RYR2: variants seen among roughly 807,000 people sequenced by gnomAD.
RYR2 encodes the protein ryanodine receptor 2, also known as cardiac muscle ryanodine receptor-calcium release channel.
Under a neutral mutation model 601.1 loss-of-function variants are expected in RYR2, and 227 were observed. The ratio of observed to expected loss-of-function variants is 0.38; its 90% CI spans 0.34 to 0.42. The LOEUF is 0.42. Ranked by LOEUF, RYR2 falls within the 10% of genes least tolerant of loss-of-function variation. The probability of loss-of-function intolerance (pLI) is 1.00; values close to 1 mark genes in which losing one functional copy is unlikely to be tolerated. For synonymous variants in RYR2, 2,223 were observed against 2,175.1 expected, an observed-to-expected ratio of 1.02 and a Z score of -0.61; for missense variants, 4,646 against 6,156.5, an observed-to-expected ratio of 0.75 and a Z score of 8.21.
At chr1:237,431,263 C>T (rs12132285) in intron 12 of RYR2, among the ~76,000 whole-genome samples, 4 of 152,054 alleles carry the variant, frequency 2.6e-5, no homozygotes, top group African/African-American at 4.8e-5. Context: ...ACTAGAGACA[C>T]TAACTCTTCC....
intron 98 of RYR2, among the ~76,000 whole-genome samples, chr1:237,802,732 T>C (rs779259738): frequency 3.3e-4 from 50 of 152,250 alleles, no homozygotes; most frequent in Non-Finnish European, 6.0e-4. Context: ...CATTTTCCAC[T>C]GAAGTGGCCA....
At chr1:237,583,191 T>C (rs1238023292) in intron 29 of RYR2, among the ~76,000 whole-genome samples, 1 of 152,188 alleles carries the variant, frequency 6.6e-6, no homozygotes, top group East Asian at 1.9e-4. Flanking sequence ...ATGGGAACAT[T>C]TTTTCATGTT....
chr1:237,474,252 C>CAGAT (rs1553465066), intron 17 of RYR2, among the ~76,000 whole-genome samples: 1 of 132,656 alleles, frequency 7.5e-6, no homozygotes, highest in Non-Finnish European at 1.7e-5. Flanking sequence ...TAGATATATA[C>CAGAT]ATATGTATAG....
chr1:237,700,527 T>C, intron 65 of RYR2, 60 bp downstream of exon 65: 2 of 814,408 alleles, frequency 2.5e-6, no homozygotes, highest in Non-Finnish European at 3.9e-6. Flanking sequence ...TGTAGTACAA[T>C]CAAAAACAGT....
At chr1:237,090,383 G>C (rs1231152953) in intron 1 of RYR2, among the ~76,000 whole-genome samples, 1 of 152,138 alleles carries the variant, frequency 6.6e-6, no homozygotes. Context: ...GTAATCATGA[G>C]AGGATTACAT....
intron 100 of RYR2, among the ~76,000 whole-genome samples, chr1:237,816,894 T>C (rs1156715623): frequency 6.6e-6 from 1 of 152,146 alleles, no homozygotes; most frequent in Non-Finnish European, 1.5e-5. Flanking sequence ...ATGGATGGTC[T>C]GTAAGATTTT....
At chr1:237,217,294 T>A (rs2149121716) in intron 1 of RYR2, among the ~76,000 whole-genome samples, 1 of 152,212 alleles carries the variant, frequency 6.6e-6, no homozygotes, top group South Asian at 2.1e-4. Context: ...GACTTGTTGA[T>A]CTATGCACCT....
At chr1:237,506,609 A>G in intron 22 of RYR2, 101 bp from the exon 23 acceptor site, 1 of 684,774 alleles carries the variant, frequency 1.5e-6, no homozygotes, top group Non-Finnish European at 2.4e-6. Context: ...TTACTGGTTT[A>G]TGAGGCAGTT....
At chr1:237,526,181 CT>C (rs1257426806) in intron 24 of RYR2, among the ~76,000 whole-genome samples, 2 of 151,920 alleles carry the variant, frequency 1.3e-5, no homozygotes, top group African/African-American at 4.8e-5. Flanking sequence ...TATTTTTTGA[CT>C]TTTTAATAAT....
chr1:237,428,970 G>A (rs561567174), intron 12 of RYR2, among the ~76,000 whole-genome samples: 1 of 152,078 alleles, frequency 6.6e-6, no homozygotes, highest in East Asian at 1.9e-4. Context: ...AGGGCTTTAT[G>A]GTGTGTGGAG....
chr1:237,637,303 C>CT (rs1403077337), intron 44 of RYR2, among the ~76,000 whole-genome samples: 1 of 152,170 alleles, frequency 6.6e-6, no homozygotes, highest in East Asian at 1.9e-4. Context: ...CTCTGTCAGT[C>CT]TTACTTCCAT....
chr1:237,299,127 CT>C lies in RYR2; in HGVS notation c.168+28522del, dbSNP rs3086046. 4.7e-3 allele frequency among the ~76,000 whole-genome samples: 685 copies of C among 145,460 alleles called. 8 individuals carry two copies. Among genetic ancestry groups the C allele is most frequent in the African/African-American group, 0.016 (659 of 40,060 alleles). On this transcript the variant is annotated intron_variant, in intron 2 of 104. Coordinates refer to ENST00000366574, the MANE Select transcript of RYR2 (RefSeq NM_001035.3). ...TTATGAACAGTGCAATTCCTAGAGT[CT>C]TTTTTTTTTTCATTTCATTTCATAG...
chr1:237,543,510 T>C (rs969315273), intron 25 of RYR2, among the ~76,000 whole-genome samples: 3 of 152,240 alleles, frequency 2.0e-5, no homozygotes, highest in Admixed American at 1.3e-4. Context: ...TTAATGTCTC[T>C]GGTGTGCAGT....
At chr1:237,215,083 C>T (rs533939956) in intron 1 of RYR2, among the ~76,000 whole-genome samples, 138 of 152,288 alleles carry the variant, frequency 9.1e-4, no homozygotes, top group Non-Finnish European at 1.8e-3. Context: ...TAAGAACTGG[C>T]AACTTAATTC....
intron 89 of RYR2, among the ~76,000 whole-genome samples, chr1:237,782,528 A>G (rs750459424): frequency 3.9e-5 from 6 of 152,152 alleles, no homozygotes; most frequent in Non-Finnish European, 7.3e-5. Context: ...GCCTCGTGCT[A>G]GGACTTTGAA....
At chr1:237,607,264 G>T (rs1677233787) in intron 35 of RYR2, among the ~76,000 whole-genome samples, 1 of 152,168 alleles carries the variant, frequency 6.6e-6, no homozygotes, top group Admixed American at 6.5e-5. Context: ...ATGAGTTCAT[G>T]TCCTTTGTAG....
chr1:237,400,906 G>A (rs1364104863), intron 10 of RYR2, among the ~76,000 whole-genome samples: 3 of 152,184 alleles, frequency 2.0e-5, no homozygotes, highest in Non-Finnish European at 4.4e-5. Flanking sequence ...ACAACTGTTA[G>A]AAGAATCATA....
intron 16 of RYR2, among the ~76,000 whole-genome samples, chr1:237,461,656 AG>A (rs1247599524): frequency 3.9e-5 from 6 of 152,108 alleles, no homozygotes; most frequent in African/African-American, 1.2e-4. Context: ...TGAAAAAAGT[AG>A]TTAACATATA....
At chr1:237,154,508 C>T (rs1287085979) in intron 1 of RYR2, among the ~76,000 whole-genome samples, 1 of 152,142 alleles carries the variant, frequency 6.6e-6, no homozygotes, top group Admixed American at 6.5e-5. Flanking sequence ...GCTTACCTAG[C>T]TTTCTAAAAA....
Sources: allele counts gnomAD v4.1 joint callset (sites outside exome capture counted in the v4.1 genomes callset), GRCh38; gene constraint gnomAD v4.1.1; transcripts MANE v1.5; gene names NCBI Gene and HGNC (gene_info 2026-07-23, HGNC 2026-07-21).